HS3ST3B1: variants seen among roughly 807,000 people sequenced by gnomAD.
HS3ST3B1 encodes heparan sulfate-glucosamine 3-sulfotransferase 3B1.
Under a neutral mutation model 21.3 loss-of-function variants are expected in HS3ST3B1, and 13 were observed. The ratio of observed to expected loss-of-function variants is 0.61; its 90% confidence interval spans 0.40 to 0.97. HS3ST3B1 has a LOEUF of 0.97. HS3ST3B1 is among the 50% of genes least tolerant of loss of function. The pLI is 0.00. For missense variants in HS3ST3B1, 459 were observed against 554.8 expected (o/e 0.83, Z 1.73); for synonymous variants, 234 against 254.8 (o/e 0.92, Z 0.78).
chr17:14,345,792 A>G lies in HS3ST3B1; in HGVS notation c.*146A>G. Reference sequence around the variant, plus strand: ...ACTAAGCTGCCTAGCCACACTCTTTAGAGAGTTAGCTTCATAATCTGTTAA... The same window carrying G: ...ACTAAGCTGCCTAGCCACACTCTTTGGAGAGTTAGCTTCATAATCTGTTAA... On this transcript the variant is annotated 3_prime_UTR_variant, in exon 2 of 2. Coordinates refer to ENST00000360954, the MANE Select transcript of HS3ST3B1 (RefSeq NM_006041.3). The G allele has an allele frequency of 9.6e-7, 1 of 1,038,418 alleles. No homozygotes were observed. Among genetic ancestry groups the G allele is most frequent in the Non-Finnish European group, 1.4e-6 (1 of 739,394 alleles). The allele number at this position is 1,038,418 out of a possible 1,614,324, so 64.3% of individuals were successfully genotyped here.
At chr17:14,313,142 A>G (rs758198747) in intron 1 of HS3ST3B1, among the ~76,000 whole-genome samples, 14 of 132,550 alleles carry the variant, frequency 1.1e-4, no homozygotes, top group Non-Finnish European at 1.9e-4. Context: ...GTGTATATAT[A>G]TATTTTTAGT....
intron 1 of HS3ST3B1, chr17:14,305,143 C>T (rs1909091173): frequency 6.6e-6 from 1 of 152,276 alleles, no homozygotes; most frequent in South Asian, 2.1e-4. Context: ...ACCTCCTTAA[C>T]CCTGCAAAAA....
At chr17:14,319,119 A>G (rs142578011) in intron 1 of HS3ST3B1, among the ~76,000 whole-genome samples, 192 of 152,332 alleles carry the variant, frequency 1.3e-3, no homozygotes, top group African/African-American at 3.5e-3. Context: ...ACTAGCAGAC[A>G]GCAGCGGTCT....
intron 1 of HS3ST3B1, among the ~76,000 whole-genome samples, chr17:14,335,721 A>C (rs936667513): frequency 2.6e-5 from 4 of 152,048 alleles, no homozygotes; most frequent in African/African-American, 9.7e-5. Context: ...AAAAATTTCT[A>C]TGTCTCTATT....
At chr17:14,324,409 T>C (rs1310009760) in intron 1 of HS3ST3B1, among the ~76,000 whole-genome samples, 2 of 152,030 alleles carry the variant, frequency 1.3e-5, no homozygotes, top group African/African-American at 4.8e-5. Flanking sequence ...TTTAAAACGT[T>C]TGTTTGTTTA....
Position 14,337,817 on chromosome 17 carries a change from T to C in HS3ST3B1, c.555-7211T>C, listed in dbSNP as rs544032985. 3.3e-5 allele frequency among the ~76,000 whole-genome samples: 5 copies of C among 151,782 alleles called. No individual in the cohort carries two copies. The East Asian group carries it at 9.7e-4, about 29-fold the overall frequency. The stretch of plus-strand genomic sequence containing the variant: ...CAACTTTCAGTTCTGCTGACAATGT[T>C]GTCTTCTCATTTTTTCCCCCCACGA... On this transcript the variant is annotated intron_variant, in intron 1 of 1. Coordinates refer to ENST00000360954, the MANE Select transcript of HS3ST3B1 (RefSeq NM_006041.3).
Position 14,301,764 on chromosome 17 carries a change from CG to C in HS3ST3B1, c.249del (p.Thr84ArgfsTer62). 4 of 1,576,456 alleles carry C rather than the reference CG, an allele frequency of 2.5e-6. No homozygotes were observed. Among genetic ancestry groups the C allele is most frequent in the Non-Finnish European group, 3.4e-6 (4 of 1,162,150 alleles). On this transcript the variant is annotated frameshift_variant, in exon 1 of 2. Transcript: ENST00000360954. LOFTEE classifies it high-confidence loss of function. ...DPPALATAPD[G>X]TPPRLPFRAP... ...CGCCAGCCCTGGCCACAGCTCCGGA[CG>C]GGACGCCCCCCAGGCTGCCGTTCCG...
At chr17:14,309,300 CG>C (rs1909229395) in intron 1 of HS3ST3B1, among the ~76,000 whole-genome samples, 1 of 152,198 alleles carries the variant, frequency 6.6e-6, no homozygotes, top group Admixed American at 6.5e-5. Context: ...CTTCCCAGTG[CG>C]GGGGCAGGGC....
chr17:14,325,354 G>A (rs1308990922), intron 1 of HS3ST3B1, among the ~76,000 whole-genome samples: 2 of 152,200 alleles, frequency 1.3e-5, no homozygotes, highest in Non-Finnish European at 2.9e-5. Context: ...CCAGGCAAAT[G>A]TTACCATTGG....
Position 14,347,766 on chromosome 17 carries a change from G to C in HS3ST3B1, c.*2120G>C, listed in dbSNP as rs945934026. On this transcript the variant is annotated 3_prime_UTR_variant, in exon 2 of 2. Transcript: ENST00000360954. ...TCTGTTTTGGAGGAAGCTCATGGGG[G>C]ATCTGTGTATTTCTTAGGTTTCTCC... is the stretch of plus-strand genomic sequence containing the variant. 6.6e-6 allele frequency: 1 copy of C among 152,116 alleles called. No homozygotes were observed. Among genetic ancestry groups the C allele is most frequent in the African/African-American group, 2.4e-5 (1 of 41,412 alleles). 9.4% of individuals were successfully genotyped at this position (152,116 alleles called of 1,614,324 possible). A position where few individuals can be genotyped will look rare whatever the true frequency, so the allele number is the denominator to read the frequency against.
chr17:14,345,280 C>G lies in HS3ST3B1; in HGVS notation c.807C>G (p.Ser269Arg). Residue 269 changes from serine to arginine, a missense_variant, in exon 2 of 2, where the codon AGC (serine) becomes AGG (arginine). Transcript: ENST00000360954. ...CGGGCCTCATCGACACGTCGTGGAG[C>G]GCCATCCAGATCGGCATCTACGCCA... ...RTAGLIDTSW[S>R]AIQIGIYAKH... The G allele has an allele frequency of 1.7e-6, 2 of 1,191,950 alleles. No homozygotes were observed. Among genetic ancestry groups the G allele is most frequent in the South Asian group, 2.8e-5 (2 of 71,880 alleles). The allele number at this position is 1,191,950 out of a possible 1,614,324, so 73.8% of individuals were successfully genotyped here.
intron 1 of HS3ST3B1, among the ~76,000 whole-genome samples, chr17:14,326,921 C>CAAAAAAAAAA (rs60800866): frequency 6.6e-5 from 4 of 60,458 alleles, no homozygotes; most frequent in Non-Finnish European, 1.5e-4. Flanking sequence ...AACTCTGTCT[C>CAAAAAAAAAA]AAAAAAAAAA....
At chr17:14,304,152 T>C (rs1049350747) in intron 1 of HS3ST3B1, 1 of 152,172 alleles carries the variant, frequency 6.6e-6, no homozygotes, top group Admixed American at 6.5e-5. Flanking sequence ...CGGCCACGCA[T>C]GGCGGCTGGA....
chr17:14,301,257 C>G lies in HS3ST3B1; in HGVS notation c.-262C>G, dbSNP rs533046245. On this transcript the variant is annotated 5_prime_UTR_variant, in exon 1 of 2. Coordinates refer to ENST00000360954, the MANE Select transcript of HS3ST3B1 (RefSeq NM_006041.3). ...CGTCGTCGCGCCCCGGGAGCAGACC[C>G]TCGCCCAGCAGTTACCGCCGTCCCG... 1 of 485,404 alleles carries G rather than the reference C, an allele frequency of 2.1e-6. No individual in the cohort carries two copies. The highest frequency in any genetic ancestry group is 3.5e-5 in the East Asian group (1 of 28,334). 30.1% of individuals were successfully genotyped at this position (485,404 alleles called of 1,614,324 possible).
intron 1 of HS3ST3B1, among the ~76,000 whole-genome samples, chr17:14,305,921 G>A (rs922620420): frequency 1.3e-5 from 2 of 152,166 alleles, no homozygotes; most frequent in African/African-American, 4.8e-5. Flanking sequence ...GAGAGGTTAA[G>A]CAATTTGCCC....
At chr17:14,312,012 A>G (rs534618139) in intron 1 of HS3ST3B1, among the ~76,000 whole-genome samples, 2 of 152,290 alleles carry the variant, frequency 1.3e-5, no homozygotes, top group Non-Finnish European at 2.9e-5. Context: ...ACAAATTTAA[A>G]ATGTGATTTT....
rs1910553724 is a variant in HS3ST3B1 at position 14,345,823 on chromosome 17, C to T, written c.*177C>T. On this transcript the variant is annotated 3_prime_UTR_variant, in exon 2 of 2. Transcript: ENST00000360954. ...TTAGCTTCATAATCTGTTAACATTC[C>T]AAAGTGTTTAACTCTAGTATTTCGT... 2.4e-6 allele frequency: 2 copies of T among 821,724 alleles called. No homozygotes were observed. Among genetic ancestry groups the T allele is most frequent in the South Asian group, 2.5e-5 (1 of 39,688 alleles). The allele number at this position is 821,724 out of a possible 1,614,324, so 50.9% of individuals were successfully genotyped here.
intron 1 of HS3ST3B1, among the ~76,000 whole-genome samples, chr17:14,325,890 C>A (rs972799081): frequency 2.6e-5 from 4 of 152,176 alleles, no homozygotes; most frequent in African/African-American, 9.7e-5. Context: ...TTTGTTCCTG[C>A]ATTTGTTTAC....
chr17:14,339,713 T>C (rs572606094), intron 1 of HS3ST3B1, among the ~76,000 whole-genome samples: 1 of 152,316 alleles, frequency 6.6e-6, no homozygotes, highest in East Asian at 1.9e-4. Context: ...GACTATCCCT[T>C]TGAGAAACTG....
Sources: allele counts gnomAD v4.1 joint callset (sites outside exome capture counted in the v4.1 genomes callset), GRCh38; gene constraint gnomAD v4.1.1; transcripts MANE v1.5; gene names NCBI Gene and HGNC (gene_info 2026-07-23, HGNC 2026-07-21).